XYLT1: variants seen among roughly 807,000 people sequenced by gnomAD.
XYLT1 encodes the protein beta-D-xylosyltransferase 1.
In XYLT1, 36 loss-of-function variants were observed where a neutral mutation model predicts 91.3. The observed-to-expected ratio is 0.39, with a 90% confidence interval of 0.30 to 0.52. The LOEUF (loss-of-function observed/expected upper bound fraction) is 0.52. XYLT1 is among the 20% of genes least tolerant of loss of function. XYLT1 has a pLI of 0.68. For synonymous variants in XYLT1, 588 were observed against 532.0 expected, an observed-to-expected ratio of 1.11 and a Z score of -1.45; for missense variants, 1,242 against 1,284.5, an observed-to-expected ratio of 0.97 and a Z score of 0.51.
At chr16:17,398,845 T>TTTTGC (rs2035925778) in intron 1 of XYLT1, among the ~76,000 whole-genome samples, 1 of 121,280 alleles carries the variant, frequency 8.2e-6, no homozygotes, top group Non-Finnish European at 1.7e-5. Flanking sequence ...TTTTGTTTTG[T>TTTTGC]TTTGTTTTGT....
At chr16:17,200,313 T>C (rs959088056) in intron 4 of XYLT1, among the ~76,000 whole-genome samples, 169 bp downstream of exon 4, 3 of 151,888 alleles carry the variant, frequency 2.0e-5, no homozygotes, top group African/African-American at 4.8e-5. Flanking sequence ...AACACACACA[T>C]AGAGACAGCA....
chr16:17,187,306 T>G (rs2032204885), intron 5 of XYLT1, among the ~76,000 whole-genome samples: 2 of 148,586 alleles, frequency 1.3e-5, no homozygotes, highest in South Asian at 2.1e-4. Flanking sequence ...AAGCAGGAGA[T>G]TCCCTTGAAC....
At chr16:17,141,938 C>G (rs2141521215) in intron 6 of XYLT1, among the ~76,000 whole-genome samples, 1 of 152,218 alleles carries the variant, frequency 6.6e-6, no homozygotes, top group Middle Eastern at 3.4e-3. Context: ...GGGTCGTGTT[C>G]CGTTGCCTAG....
chr16:17,179,264 A>G (rs1486043136), intron 5 of XYLT1, among the ~76,000 whole-genome samples: 1 of 152,058 alleles, frequency 6.6e-6, no homozygotes, highest in African/African-American at 2.4e-5. Context: ...GGATCGAAAA[A>G]CTATCAGGTA....
chr16:17,453,379 T>C (rs531815030), intron 1 of XYLT1, among the ~76,000 whole-genome samples: 2 of 152,196 alleles, frequency 1.3e-5, no homozygotes, highest in African/African-American at 2.4e-5. Context: ...AGAAAGAATA[T>C]TAAGTCATTT....
At chr16:17,337,775 C>CT (rs71373106) in intron 2 of XYLT1, among the ~76,000 whole-genome samples, 10,844 of 113,840 alleles carry the variant, frequency 0.095, 1,163 homozygotes, top group African/African-American at 0.16. Flanking sequence ...CACATTTTTT[C>CT]TTTTTCTTTT....
At chr16:17,300,452 C>CTTTTTTTTTTTTTTTTTTTTTTTTTTTT (rs67480834) in intron 2 of XYLT1, among the ~76,000 whole-genome samples, 3 of 64,842 alleles carry the variant, frequency 4.6e-5, no homozygotes, top group African/African-American at 1.9e-4. Flanking sequence ...TTCATTCTTT[C>CTTTTTTTTTTTTTTTTTTTTTTTTTTTT]TTTTTTTTTT....
chr16:17,171,236 T>C (rs1458774253), intron 5 of XYLT1, among the ~76,000 whole-genome samples: 1 of 152,188 alleles, frequency 6.6e-6, no homozygotes. Flanking sequence ...AGGAGTAGGA[T>C]ACAGCAAGGA....
rs532831997 is a variant in XYLT1, at chr16:17,317,176, T to G, written c.402+40836A>C. Among the ~76,000 whole-genome samples, 21 of 152,210 alleles carry G rather than the reference T, an allele frequency of 1.4e-4. No individual in the cohort carries two copies. In the South Asian group the frequency reaches 4.4e-3, roughly 32 times the overall value. ...TTGCAGCAATAAACTGTGATCTGTT[T>G]CCCCATCTAGGTGTTTGCCTCCTGC... On this transcript the variant is annotated intron_variant, in intron 2 of 11. Coordinates refer to ENST00000261381, the MANE Select transcript of XYLT1 (RefSeq NM_022166.4).
chr16:17,360,702 A>G (rs563175409), intron 1 of XYLT1, among the ~76,000 whole-genome samples: 10 of 152,352 alleles, frequency 6.6e-5, no homozygotes, highest in Middle Eastern at 6.8e-3. Flanking sequence ...CGCTTTCAGC[A>G]ACATCCTCCT....
chr16:17,123,258 G>T (rs2030137376), intron 10 of XYLT1, among the ~76,000 whole-genome samples: 1 of 152,168 alleles, frequency 6.6e-6, no homozygotes, highest in Admixed American at 6.5e-5. Context: ...GTGTTTTGCA[G>T]TTTTCCTTGT....
intron 2 of XYLT1, among the ~76,000 whole-genome samples, chr16:17,337,471 C>T (rs1427101142): frequency 6.6e-6 from 1 of 152,180 alleles, no homozygotes; most frequent in Non-Finnish European, 1.5e-5. Flanking sequence ...AGGCGTGAGC[C>T]ACCATGCCCG....
intron 2 of XYLT1, among the ~76,000 whole-genome samples, chr16:17,316,835 T>G (rs2034640342): frequency 6.6e-6 from 1 of 151,232 alleles, no homozygotes; most frequent in Admixed American, 6.6e-5. Context: ...TTTTTTTTTT[T>G]TTTTGAGACG....
intron 1 of XYLT1, among the ~76,000 whole-genome samples, chr16:17,398,425 C>A (rs2035917656): frequency 6.6e-6 from 1 of 152,146 alleles, no homozygotes; most frequent in African/African-American, 2.4e-5. Context: ...GCCTACATGG[C>A]AGATTTAAGG....
At chr16:17,334,308 T>C (rs1231116608) in intron 2 of XYLT1, among the ~76,000 whole-genome samples, 2 of 152,198 alleles carry the variant, frequency 1.3e-5, no homozygotes, top group Non-Finnish European at 2.9e-5. Context: ...GCCTCATGAT[T>C]GACAAACTGG....
At chr16:17,381,026 A>G (rs138239791) in intron 1 of XYLT1, among the ~76,000 whole-genome samples, 34 of 152,278 alleles carry the variant, frequency 2.2e-4, no homozygotes, top group African/African-American at 6.7e-4. Flanking sequence ...GAGGGGCTAT[A>G]CTTTGTTGTC....
chr16:17,222,281 T>G (rs1029467625), intron 3 of XYLT1, among the ~76,000 whole-genome samples: 1 of 152,218 alleles, frequency 6.6e-6, no homozygotes, highest in African/African-American at 2.4e-5. Context: ...TGAGGACATC[T>G]AGCAATGTCT....
chr16:17,431,817 T>C (rs1260895414), intron 1 of XYLT1, among the ~76,000 whole-genome samples: 1 of 152,224 alleles, frequency 6.6e-6, no homozygotes, highest in Non-Finnish European at 1.5e-5. Context: ...AAGCGAATCC[T>C]TTTTGGAAGG....
chr16:17,340,239 T>C (rs2035047011), intron 2 of XYLT1, among the ~76,000 whole-genome samples: 1 of 152,240 alleles, frequency 6.6e-6, no homozygotes, highest in South Asian at 2.1e-4. Context: ...GATCCAGTTC[T>C]GCAGCTCAAC....
Sources: gnomAD v4.1 joint callset for allele counts (sites outside exome capture counted in the v4.1 genomes callset) on GRCh38, gnomAD v4.1.1 for gene constraint, MANE v1.5 for transcripts, NCBI Gene and HGNC (gene_info 2026-07-23, HGNC 2026-07-21) for gene names.